TSPEAR: variants seen among roughly 807,000 people sequenced by gnomAD.
The protein encoded by TSPEAR is thrombospondin type laminin G domain and EAR repeats, also known as thrombospondin-type laminin G domain and EAR repeat-containing protein.
In TSPEAR, 69 loss-of-function variants were observed where a neutral mutation model predicts 71.6. That is an observed-to-expected ratio of 0.96 (90% confidence interval 0.79 to 1.18). The LOEUF (loss-of-function observed/expected upper bound fraction) is 1.18. Among genes scored for constraint, TSPEAR ranks in the 50% most tolerant of loss-of-function variants. The probability of loss-of-function intolerance (pLI) is 0.00; values close to 1 mark genes in which losing one functional copy is unlikely to be tolerated. For missense variants in TSPEAR, 971 were observed against 894.9 expected (o/e 1.09, Z -1.09); for synonymous variants, 402 against 387.2 (o/e 1.04, Z -0.45).
At chr21:44,575,238 T>C in intron 1 of TSPEAR, 1 of 588,240 alleles carries the variant, frequency 1.7e-6, no homozygotes, top group Non-Finnish European at 3.1e-6. Context: ...CTCCCCTCCA[T>C]ATCTCCCACC....
chr21:44,666,708 C>A (rs1555944852), intron 1 of TSPEAR: 2 of 1,614,068 alleles, frequency 1.2e-6, no homozygotes, highest in South Asian at 2.2e-5. Flanking sequence ...AGAAGACTGG[C>A]AGCTCACGGG....
intron 2 of TSPEAR, among the ~76,000 whole-genome samples, chr21:44,560,050 A>G (rs587711429): frequency 6.6e-6 from 1 of 152,286 alleles, no homozygotes; most frequent in South Asian, 2.1e-4. Context: ...AAATTGGATG[A>G]AGAGTCATGA....
intron 11 of TSPEAR, 127 bp from the exon 12 acceptor site, chr21:44,500,063 C>A: frequency 2.1e-6 from 2 of 973,954 alleles, no homozygotes; most frequent in Non-Finnish European, 2.9e-6. Context: ...TCCATCCCCC[C>A]GACTGGCACA....
intron 6 of TSPEAR, 145 bp downstream of exon 6, chr21:44,528,307 C>T: frequency 8.7e-7 from 1 of 1,152,224 alleles, no homozygotes; most frequent in Non-Finnish European, 1.2e-6. Flanking sequence ...TGCTGCCTCT[C>T]ACTCTTAGAA....
At chr21:44,557,981 C>G in intron 2 of TSPEAR, 1 of 1,545,380 alleles carries the variant, frequency 6.5e-7, no homozygotes, top group Non-Finnish European at 8.8e-7. Context: ...AGACAGGGCT[C>G]AGGGCTGCAA....
intron 8 of TSPEAR, among the ~76,000 whole-genome samples, chr21:44,525,157 G>T (rs1310942029): frequency 6.9e-6 from 1 of 145,628 alleles, no homozygotes; most frequent in South Asian, 2.1e-4. Flanking sequence ...CAGGTAGTTA[G>T]TCAGTCAGTC....
intron 9 of TSPEAR, among the ~76,000 whole-genome samples, chr21:44,511,958 C>CGGGCTGCTGCAGATGGGGGACCATGGAG (rs1222051969): frequency 6.6e-6 from 1 of 152,106 alleles, no homozygotes; most frequent in African/African-American, 2.4e-5. Flanking sequence ...AGCCCTGGAA[C>CGGGCTGCTGCAGATGGGGGACCATGGAG]GGGCTGCTGC....
chr21:44,572,796 CA>C (rs1978288580), intron 1 of TSPEAR, among the ~76,000 whole-genome samples: 1 of 150,148 alleles, frequency 6.7e-6, no homozygotes, highest in East Asian at 2.0e-4. Flanking sequence ...GGCCCTACTG[CA>C]ATAATGCTTT....
intron 1 of TSPEAR, among the ~76,000 whole-genome samples, chr21:44,578,827 CA>C (rs1978651931): frequency 6.6e-6 from 1 of 152,218 alleles, no homozygotes; most frequent in Non-Finnish European, 1.5e-5. Context: ...CAGTGTCGCC[CA>C]TGTCAACCTC....
At chr21:44,581,601 G>A (rs60962658) in intron 1 of TSPEAR, among the ~76,000 whole-genome samples, 4,490 of 152,212 alleles carry the variant, frequency 0.029, 193 homozygotes, top group African/African-American at 0.094. Context: ...GTTTCTATGC[G>A]TGTGCATTAT....
chr21:44,521,744 G>C (rs1291443333), intron 9 of TSPEAR, 139 bp downstream of exon 9: 4 of 770,460 alleles, frequency 5.2e-6, no homozygotes, highest in Non-Finnish European at 8.3e-6. Context: ...GCCCTGCCTG[G>C]GTTTTGGGGT....
Position 44,633,487 on chromosome 21 carries a change from A to G in TSPEAR, c.83-65482T>C, listed in dbSNP as rs372270705. Among the ~76,000 whole-genome samples the G allele has an allele frequency of 1.4e-4, 22 of 152,290 alleles. 1 individual carries two copies. The South Asian group carries it at 4.6e-3, about 32-fold the overall frequency. On this transcript the variant is annotated intron_variant, in intron 1 of 11. Transcript: ENST00000323084. ...TCTCTTTTGATTTATTCTTCAATCA[A>G]CTGGTTGTTATAAGTATGTGTTGTT...
intron 1 of TSPEAR, among the ~76,000 whole-genome samples, chr21:44,578,913 C>T (rs1299409892): frequency 6.6e-6 from 1 of 152,192 alleles, no homozygotes; most frequent in Non-Finnish European, 1.5e-5. Context: ...AACCTGGTGC[C>T]CCCAGAGGAG....
chr21:44,548,071 T>C, intron 2 of TSPEAR, among the ~76,000 whole-genome samples: 1 of 152,340 alleles, frequency 6.6e-6, no homozygotes, highest in East Asian at 1.9e-4. Context: ...TGGCATTGAC[T>C]GTTTAATGTT....
chr21:44,677,376 T>C lies in TSPEAR; in HGVS notation c.82+34057A>G, dbSNP rs587620098. On this transcript the variant is annotated intron_variant, in intron 1 of 11. Transcript: ENST00000323084. ...GGCTTTCAATATGTTGGAGTGTGCA[T>C]TGACAGCCTGGACCACAGTGTTCTG... 1.9e-4 allele frequency: 274 copies of C among 1,411,200 alleles called. 1 individual carries two copies. The highest frequency in any genetic ancestry group is 1.8e-3 in the African/African-American group (125 of 70,958). The allele number at this position is 1,411,200 out of a possible 1,614,324, so 87.4% of individuals were successfully genotyped here.
intron 1 of TSPEAR, chr21:44,580,494 G>T: frequency 6.2e-7 from 1 of 1,613,456 alleles, no homozygotes; most frequent in Non-Finnish European, 8.5e-7. Flanking sequence ...CCGCAGGGGG[G>T]CTCACAGCAG....
intron 1 of TSPEAR, among the ~76,000 whole-genome samples, chr21:44,674,070 A>G (rs914989510): frequency 3.3e-5 from 5 of 151,506 alleles, no homozygotes; most frequent in South Asian, 2.1e-4. Flanking sequence ...TGATCACTTG[A>G]GCCCAGGAGT....
chr21:44,609,036 A>G (rs1029269210), intron 1 of TSPEAR, among the ~76,000 whole-genome samples: 17 of 152,246 alleles, frequency 1.1e-4, no homozygotes, highest in African/African-American at 1.7e-4. Context: ...GGCAGCAAAA[A>G]AAGAGTGAAG....
Position 44,551,424 on chromosome 21 carries a change from G to A in TSPEAR, c.303+16361C>T, listed in dbSNP as rs199505311. The A allele has an allele frequency of 1.7e-4, 282 of 1,613,210 alleles. No individual in the cohort carries two copies. The Middle Eastern group carries it at 2.3e-3, about 13-fold the overall frequency. ...GTCCACCTGCCAGGAGTTGGTGCAG[G>A]CGCTGGAGCAGATGGACATGGTGGA... is the stretch of plus-strand genomic sequence containing the variant. On this transcript the variant is annotated intron_variant, in intron 2 of 11. Transcript: ENST00000323084.
Sources: gnomAD v4.1 joint callset for allele counts (sites outside exome capture counted in the v4.1 genomes callset) on GRCh38, gnomAD v4.1.1 for gene constraint, MANE v1.5 for transcripts, NCBI Gene and HGNC (gene_info 2026-07-23, HGNC 2026-07-21) for gene names.